Variants in PPFIA1 observed in about 807,000 individuals in gnomAD.
PPFIA1 encodes the protein liprin-alpha-1.
PPFIA1 carries 25 observed loss-of-function variants against 149.9 expected under a neutral mutation model. The observed-to-expected ratio is 0.17, with a 90% CI of 0.12 to 0.23. The LOEUF is 0.23. PPFIA1 is among the 10% of genes least tolerant of loss of function. PPFIA1 has a pLI of 1.00. For missense variants in PPFIA1, 1,362 were observed against 1,506.5 expected, an observed-to-expected ratio of 0.90 and a Z score of 1.59; for synonymous variants, 549 against 552.8, an observed-to-expected ratio of 0.99 and a Z score of 0.10.
intron 2 of PPFIA1, among the ~76,000 whole-genome samples, chr11:70,302,574 G>A (rs754729937): frequency 2.6e-5 from 4 of 152,068 alleles, no homozygotes; most frequent in Admixed American, 6.6e-5. Flanking sequence ...CAGTTATGTC[G>A]TTTTCTGGTA....
chr11:70,307,379 T>C (rs1460868665), intron 2 of PPFIA1, among the ~76,000 whole-genome samples: 1 of 152,034 alleles, frequency 6.6e-6, no homozygotes, highest in African/African-American at 2.4e-5. Flanking sequence ...CAGGAAGCTG[T>C]AAAAAGGGAG....
At chr11:70,337,847 T>G (rs1219918320) in intron 12 of PPFIA1, among the ~76,000 whole-genome samples, 1 of 152,256 alleles carries the variant, frequency 6.6e-6, no homozygotes. Flanking sequence ...TGAGCTACTT[T>G]GCGTTCTTTT....
At chr11:70,288,576 G>A (rs2051311252) in intron 2 of PPFIA1, among the ~76,000 whole-genome samples, 1 of 152,178 alleles carries the variant, frequency 6.6e-6, no homozygotes, top group Non-Finnish European at 1.5e-5. Context: ...CCTGGAAGTT[G>A]CAAAGAGGTG....
chr11:70,272,351 C>T lies in PPFIA1; in HGVS notation c.179C>T (p.Thr60Met), dbSNP rs771307289. ...LLDTLRETQE[T>M]LALTQGKLHE... ...GATACACTGAGAGAGACTCAAGAAA[C>T]GCTGGCCTTAACCCAGGGGAAGTTA... Residue 60 changes from threonine to methionine, a missense_variant, in exon 2 of 28, where the codon ACG (threonine) becomes ATG (methionine). By Grantham distance (81) the Thr-to-Met change is moderately conservative. This residue lies in a region of PPFIA1 where 100 missense variants were observed against 106.2 expected (regional missense o/e 0.94). Coordinates refer to ENST00000253925, the MANE Select transcript of PPFIA1 (RefSeq NM_003626.5). 9.3e-6 allele frequency: 15 copies of T among 1,614,042 alleles called. No individual in the cohort carries two copies. Among genetic ancestry groups the T allele is most frequent in the Non-Finnish European group, 1.2e-5 (14 of 1,180,016 alleles).
intron 2 of PPFIA1, among the ~76,000 whole-genome samples, chr11:70,276,247 T>C (rs1319216519): frequency 1.3e-5 from 2 of 150,136 alleles, no homozygotes; most frequent in African/African-American, 5.0e-5. Flanking sequence ...GTTGGAATTA[T>C]AGACGCACGC....
Position 70,383,281 on chromosome 11 carries a change from T to C in PPFIA1, c.*291T>C, listed in dbSNP as rs1565476501. On this transcript the variant is annotated 3_prime_UTR_variant, in exon 28 of 28. Transcript: ENST00000253925. ...AGGCTATAAATATCCTTTCAAATCATGTTCTTATACCTAATTTTAGTCTTT... is the reference window on the plus strand; with the variant it reads ...AGGCTATAAATATCCTTTCAAATCACGTTCTTATACCTAATTTTAGTCTTT... 1 of 268,504 alleles carries C rather than the reference T, an allele frequency of 3.7e-6. No individual in the cohort carries two copies. The highest frequency in any genetic ancestry group is 7.0e-6 in the Non-Finnish European group (1 of 142,354). The allele number at this position is 268,504 out of a possible 1,614,324, so 16.6% of individuals were successfully genotyped here.
intron 2 of PPFIA1, among the ~76,000 whole-genome samples, chr11:70,315,678 GTTTT>G (rs71049904): frequency 1.9e-4 from 14 of 73,018 alleles, no homozygotes; most frequent in African/African-American, 3.2e-4. Context: ...CTTTTTTTCT[GTTTT>G]TTTTTTTTTT....
At chr11:70,349,189 G>A (rs892747754) in intron 16 of PPFIA1, among the ~76,000 whole-genome samples, 2 of 147,160 alleles carry the variant, frequency 1.4e-5, no homozygotes, top group Non-Finnish European at 3.0e-5. Context: ...TGCATTTGAA[G>A]CCGTGAACAA....
At chr11:70,341,364 C>G (rs1415259630) in intron 14 of PPFIA1, among the ~76,000 whole-genome samples, 1 of 151,752 alleles carries the variant, frequency 6.6e-6, no homozygotes, top group Non-Finnish European at 1.5e-5. Flanking sequence ...GGAGTGCCAA[C>G]AAGATTTGCT....
chr11:70,292,892 G>A (rs1293870969), intron 2 of PPFIA1, among the ~76,000 whole-genome samples: 1 of 152,186 alleles, frequency 6.6e-6, no homozygotes, highest in East Asian at 1.9e-4. Context: ...AGTATTACTG[G>A]AGTGCACACA....
At chr11:70,373,069 C>T (rs1413461099) in intron 23 of PPFIA1, among the ~76,000 whole-genome samples, 1 of 152,244 alleles carries the variant, frequency 6.6e-6, no homozygotes, top group African/African-American at 2.4e-5. Flanking sequence ...GGAGGAGCTG[C>T]TTAGGGTAAG....
intron 16 of PPFIA1, among the ~76,000 whole-genome samples, chr11:70,353,903 C>CT (rs2056211752): frequency 6.6e-6 from 1 of 152,178 alleles, no homozygotes; most frequent in Admixed American, 6.5e-5. Flanking sequence ...GTTACTGGCT[C>CT]TTCATTAGTG....
chr11:70,365,080 C>T (rs1250615109), intron 21 of PPFIA1: 1 of 173,236 alleles, frequency 5.8e-6, no homozygotes, highest in Non-Finnish European at 1.2e-5. Flanking sequence ...TTGAGAATTA[C>T]TCAAAGTTTC....
chr11:70,364,271 A>G (rs892540741), intron 21 of PPFIA1: 4 of 152,208 alleles, frequency 2.6e-5, no homozygotes, highest in African/African-American at 9.7e-5. Context: ...GTACTTATAC[A>G]GTTTCTCTCC....
At chr11:70,362,244 A>C (rs10751231) in intron 20 of PPFIA1, 44 bp from the exon 21 acceptor site, 1 of 1,613,256 alleles carries the variant, frequency 6.2e-7, no homozygotes. Context: ...TACTTTGTAG[A>C]CTGTACCTCA....
chr11:70,350,304 A>C (rs1232299169), intron 16 of PPFIA1, among the ~76,000 whole-genome samples: 4 of 152,032 alleles, frequency 2.6e-5, no homozygotes, highest in Non-Finnish European at 4.4e-5. Context: ...TGTTTACACA[A>C]ACAGTATGCT....
intron 2 of PPFIA1, among the ~76,000 whole-genome samples, chr11:70,283,021 G>A (rs1348569820): frequency 6.6e-5 from 10 of 150,918 alleles, no homozygotes; most frequent in Admixed American, 6.6e-4. Flanking sequence ...TGTATTTTTA[G>A]TAGAGACGGG....
chr11:70,286,526 C>T (rs1295986047), intron 2 of PPFIA1, among the ~76,000 whole-genome samples: 3 of 152,166 alleles, frequency 2.0e-5, no homozygotes, highest in Admixed American at 6.5e-5. Flanking sequence ...GCTGGGATTA[C>T]AGGCGTGAGC....
chr11:70,369,542 A>T (rs1220421847), intron 21 of PPFIA1, among the ~76,000 whole-genome samples: 1 of 151,878 alleles, frequency 6.6e-6, no homozygotes, highest in East Asian at 1.9e-4. Context: ...TTATTTATTT[A>T]TTTATTTATG....
Sources: allele counts gnomAD v4.1 joint callset (sites outside exome capture counted in the v4.1 genomes callset), GRCh38; gene constraint gnomAD v4.1.1; regional missense constraint gnomAD v4.1.1; transcripts MANE v1.5; gene names NCBI Gene and HGNC (gene_info 2026-07-23, HGNC 2026-07-21).